Variants in MAML1 observed in about 807,000 individuals in gnomAD.
MAML1 encodes mastermind like transcriptional coactivator 1, also known as mastermind-like protein 1.
In MAML1, 14 loss-of-function variants were observed where a neutral mutation model predicts 77.1. The observed-to-expected ratio is 0.18, with a 90% confidence interval of 0.12 to 0.28. The LOEUF is 0.28. MAML1 is among the 10% of genes least tolerant of loss of function. The pLI, the probability that MAML1 is intolerant of heterozygous loss-of-function variation, is 1.00. For missense variants in MAML1, 1,217 were observed against 1,327.8 expected (o/e 0.92, Z 1.30); for synonymous variants, 516 against 551.9 (o/e 0.93, Z 0.91).
intron 1 of MAML1, among the ~76,000 whole-genome samples, chr5:179,740,907 A>C (rs901650985): frequency 5.9e-5 from 9 of 151,396 alleles, no homozygotes; most frequent in Admixed American, 2.0e-4. Flanking sequence ...GGCCATTTTC[A>C]CTCTTTTTTT....
chr5:179,774,085 G>A lies in MAML1; in HGVS notation c.2259G>A (p.Gln753=). The change falls in exon 5 of 5, where the codon CAG becomes CAA. Residue 753 remains glutamine (Q), a synonymous_variant. Transcript: ENST00000292599. ...TCCCTGGCTCCCAAAACATGCCTCA[G>A]AGCAGCCTCTATGGCATGGCTTCTG... ...AQFPGSQNMP[Q]SSLYGMASGI... The A allele has an allele frequency of 6.2e-7, 1 of 1,613,998 alleles. No individual in the cohort carries two copies. The highest frequency in any genetic ancestry group is 8.5e-7 in the Non-Finnish European group (1 of 1,180,042).
At position 179,766,486 on chromosome 5, in the gene MAML1, C is replaced by T; in HGVS notation, c.1476C>T (p.His492=). The T allele has an allele frequency of 6.2e-7, 1 of 1,608,124 alleles. No homozygotes were observed. The highest frequency in any genetic ancestry group is 8.5e-7 in the Non-Finnish European group (1 of 1,177,364). Residue 492 remains histidine (H), a synonymous_variant, in exon 2 of 5, where the codon CAC becomes CAT. Coordinates refer to ENST00000292599, the MANE Select transcript of MAML1 (RefSeq NM_014757.5). The surrounding 1 kb of genome is among the most constrained non-coding windows in gnomAD (Gnocchi z 4.0). ...LQPSHVNLLS[H]QPPSNLNQNS... is the part of the protein sequence containing the mutation. ...CCAGCCATGTGAACCTGCTGAGTCA[C>T]CAGCCACCGAGTAACTTGAATCAGA... is the stretch of plus-strand genomic sequence containing the variant.
chr5:179,773,693 C>G (rs1756056675), intron 4 of MAML1: 2 of 969,204 alleles, frequency 2.1e-6, no homozygotes, highest in African/African-American at 3.5e-5. Context: ...GGGCTTTGCC[C>G]TTCCTCTGTG....
rs1554150144 is a variant in MAML1 at position 179,752,350 on chromosome 5, A to AAAAATAT, written c.316-12975_316-12974insAAATATA. On this transcript the variant is annotated intron_variant, in intron 1 of 4. Transcript: ENST00000292599. ...CAAAAAAAAAAAAAAAAAAAAAAAA[A>AAAAATAT]ATATATATATATATATGGTTAAATA... Among the ~76,000 whole-genome samples the AAAAATAT allele has an allele frequency of 1.5e-4, 10 of 66,722 alleles. 1 individual carries two copies. The highest frequency in any genetic ancestry group is 3.4e-4 in the African/African-American group (5 of 14,794). The allele number at this position is 66,722 out of a possible 152,430, so 43.8% of individuals were successfully genotyped here.
At position 179,765,417 on chromosome 5, in the gene MAML1, G is replaced by A. The variant is rs146382198; in HGVS notation, c.407G>A (p.Gly136Glu). 2.0e-4 allele frequency: 320 copies of A among 1,614,178 alleles called. 5 individuals carry two copies. The Admixed American group carries it at 4.9e-3, about 25-fold the overall frequency. The change falls in exon 2 of 5, where the codon GGG becomes GAG. Residue 136 changes from glycine (G) to glutamate (E), a missense_variant. Around this residue, in one of 3 missense-constraint regions of MAML1, gnomAD observed 312 missense variants for 331.4 expected, o/e 0.94. Transcript: ENST00000292599. Reference protein sequence around the residue: ...QQNGYGDLFPGHKKTRREAPL... With the variant: ...QQNGYGDLFPEHKKTRREAPL... ...AATGGCTACGGGGACCTCTTTCCTG[G>A]GCATAAGAAGACTCGCCGGGAGGCC...
chr5:179,735,309 C>T (rs1779145338), intron 1 of MAML1, among the ~76,000 whole-genome samples: 3 of 152,212 alleles, frequency 2.0e-5, no homozygotes. Flanking sequence ...AAAGCTAGTT[C>T]CTGACCAGCC....
At position 179,755,908 on chromosome 5, in the gene MAML1, G is replaced by A. The variant is rs140540223; in HGVS notation, c.316-9418G>A. Among the ~76,000 whole-genome samples the A allele has an allele frequency of 9.8e-3, 1,488 of 151,734 alleles. 31 individuals are homozygous for A. Among genetic ancestry groups the A allele is most frequent in the African/African-American group, 0.034 (1,419 of 41,416 alleles). ...GCCTCCCGAGTAGCTGAGATTACAGGAGCCCACCACCACGCCCAGCTAATT... is the reference window on the plus strand; with the variant it reads ...GCCTCCCGAGTAGCTGAGATTACAGAAGCCCACCACCACGCCCAGCTAATT... On this transcript the variant is annotated intron_variant, in intron 1 of 4. Transcript: ENST00000292599.
Position 179,776,090 on chromosome 5 carries a change from AAT to A in MAML1, c.*1216_*1217del. On this transcript the variant is annotated 3_prime_UTR_variant, in exon 5 of 5. Coordinates refer to ENST00000292599, the MANE Select transcript of MAML1 (RefSeq NM_014757.5). ...ACTAAGCTGAGGGTCCACGAAATAG[AAT>A]ATGACATGTGAGCTGTTTTTGGAAA... 1 of 985,942 alleles carries A rather than the reference AAT, an allele frequency of 1.0e-6. No individual in the cohort carries two copies. The highest frequency in any genetic ancestry group is 1.2e-6 in the Non-Finnish European group (1 of 829,944). The allele number at this position is 985,942 out of a possible 1,614,324, so 61.1% of individuals were successfully genotyped here.
At position 179,769,074 on chromosome 5, in the gene MAML1, CCTT is replaced by C. The variant is rs1355265189; in HGVS notation, c.1959_1961del (p.Leu654del). ...AGCAGTTCCTTCAGAGGCAACAGCACCTTCTCGCGGAACAGGTAAAAAGAAAAG... is the reference window on the plus strand; with the variant it reads ...AGCAGTTCCTTCAGAGGCAACAGCACCTCGCGGAACAGGTAAAAAGAAAAG... On this transcript the variant is annotated inframe_deletion, in exon 3 of 5. Coordinates refer to ENST00000292599, the MANE Select transcript of MAML1 (RefSeq NM_014757.5). The surrounding 1 kb of genome is among the most constrained non-coding windows in gnomAD (Gnocchi z 4.2). 6.2e-7 allele frequency: 1 copy of C among 1,614,086 alleles called. No homozygotes were observed. The highest frequency in any genetic ancestry group is 8.5e-7 in the Non-Finnish European group (1 of 1,180,036).
At chr5:179,753,222 TGCGCGC>T (rs1171083663) in intron 1 of MAML1, among the ~76,000 whole-genome samples, 2 of 31,488 alleles carry the variant, frequency 6.4e-5, no homozygotes, top group South Asian at 1.9e-3. Context: ...TGTGTGTGTG[TGCGCGC>T]GCGCGCGCGC....
rs572296691 is a variant in MAML1 at position 179,736,130 on chromosome 5, T to C, written c.315+2703T>C. On this transcript the variant is annotated intron_variant, in intron 1 of 4. Coordinates refer to ENST00000292599, the MANE Select transcript of MAML1 (RefSeq NM_014757.5). ...TCTTAAGTGCCTGTTTGTTGAATTATTGATAGAAACTTGGTAGTGCTTTAC... is the reference window on the plus strand; with the variant it reads ...TCTTAAGTGCCTGTTTGTTGAATTACTGATAGAAACTTGGTAGTGCTTTAC... 7.9e-5 allele frequency among the ~76,000 whole-genome samples: 12 copies of C among 152,332 alleles called. 1 individual carries two copies. In the South Asian group the frequency reaches 2.5e-3, roughly 32 times the overall value.
rs368742273 is a variant in MAML1 at position 179,775,333 on chromosome 5, A to T, written c.*456A>T. ...AATTTGTAGCATAGAAAAGATTTTTAAATTTTTTTACAAAAGGTTTTTAAA... is the reference window on the plus strand; with the variant it reads ...AATTTGTAGCATAGAAAAGATTTTTTAATTTTTTTACAAAAGGTTTTTAAA... On this transcript the variant is annotated 3_prime_UTR_variant, in exon 5 of 5. Transcript: ENST00000292599. 1 of 971,624 alleles carries T rather than the reference A, an allele frequency of 1.0e-6. No individual in the cohort carries two copies. The highest frequency in any genetic ancestry group is 1.2e-6 in the Non-Finnish European group (1 of 817,936). The allele number at this position is 971,624 out of a possible 1,614,324, so 60.2% of individuals were successfully genotyped here.
chr5:179,768,974 C>T lies in MAML1; in HGVS notation c.1856C>T (p.Ala619Val), dbSNP rs755446770. Residue 619 changes from alanine to valine, a missense_variant, in exon 3 of 5, where the codon GCT becomes GTT. By Grantham distance (64) the Ala-to-Val change is moderately conservative. This residue lies in a region of MAML1 where 884 missense variants were observed against 949.3 expected (regional missense o/e 0.93). Transcript: ENST00000292599. ...TATCTCAGCAGCCAGCAACAGGCCGCTGTAATGAAGCAGCATCAGTTGCTT... is the reference window on the plus strand; with the variant it reads ...TATCTCAGCAGCCAGCAACAGGCCGTTGTAATGAAGCAGCATCAGTTGCTT... The part of the protein sequence containing the change: ...SPYLSSQQQA[A>V]VMKQHQLLLD... The T allele has an allele frequency of 8.7e-6, 14 of 1,614,246 alleles. No homozygotes were observed. The highest frequency in any genetic ancestry group is 1.7e-5 in the Admixed American group (1 of 60,022).
At chr5:179,749,887 A>G (rs1779453382) in intron 1 of MAML1, among the ~76,000 whole-genome samples, 1 of 152,082 alleles carries the variant, frequency 6.6e-6, no homozygotes, top group Admixed American at 6.6e-5. Context: ...CTGCAGGTCC[A>G]GCGCCTGGTC....
In MAML1 at chr5:179,776,583, T is replaced by C. The variant is rs1020792519; in HGVS notation, c.*1706T>C. The C allele has an allele frequency of 2.0e-6, 2 of 985,528 alleles. No homozygotes were observed. 61.0% of individuals were successfully genotyped at this position (985,528 alleles called of 1,614,324 possible). A position where few individuals can be genotyped will look rare whatever the true frequency, so the allele number is the denominator to read the frequency against. The stretch of plus-strand genomic sequence containing the variant: ...CATAAAGCCAGTGAAAATTTCACCC[T>C]CTGAGGGAGTTCCCCAATCTGAAGG... On this transcript the variant is annotated 3_prime_UTR_variant, in exon 5 of 5. Coordinates refer to ENST00000292599, the MANE Select transcript of MAML1 (RefSeq NM_014757.5).
chr5:179,740,125 TAGAG>T (rs1779252927), intron 1 of MAML1, among the ~76,000 whole-genome samples: 2 of 152,112 alleles, frequency 1.3e-5, no homozygotes, highest in Non-Finnish European at 2.9e-5. Flanking sequence ...ACATTCCAGT[TAGAG>T]AGAACCACCA....
At position 179,732,998 on chromosome 5, in the gene MAML1, C is replaced by G. The variant is rs1259897133; in HGVS notation, c.-115C>G. 1 of 595,816 alleles carries G rather than the reference C, an allele frequency of 1.7e-6. No homozygotes were observed. The highest frequency in any genetic ancestry group is 2.4e-6 in the Non-Finnish European group (1 of 424,736). 36.9% of individuals were successfully genotyped at this position (595,816 alleles called of 1,614,324 possible). ...GCGCGCGAGCCCGCTCCGCTGCCCTCGGGGGCATGGCGCGGCCGTGAGGCG... is the reference window on the plus strand; with the variant it reads ...GCGCGCGAGCCCGCTCCGCTGCCCTGGGGGGCATGGCGCGGCCGTGAGGCG... On this transcript the variant is annotated 5_prime_UTR_variant, in exon 1 of 5. Coordinates refer to ENST00000292599, the MANE Select transcript of MAML1 (RefSeq NM_014757.5).
intron 4 of MAML1, among the ~76,000 whole-genome samples, chr5:179,772,930 G>A (rs541629857): frequency 5.3e-5 from 8 of 152,228 alleles, no homozygotes; most frequent in Middle Eastern, 3.4e-3. Context: ...TTGCTCTTTC[G>A]CCTAGGCTGG....
At chr5:179,756,500 C>G (rs992865506) in intron 1 of MAML1, among the ~76,000 whole-genome samples, 1 of 150,442 alleles carries the variant, frequency 6.6e-6, no homozygotes, top group African/African-American at 2.4e-5. Flanking sequence ...GAAAGACATT[C>G]AGTTTAAGTT....
Sources: allele counts gnomAD v4.1 joint callset (sites outside exome capture counted in the v4.1 genomes callset), GRCh38; gene constraint gnomAD v4.1.1; regional missense constraint gnomAD v4.1.1; non-coding constraint Gnocchi (gnomAD v3.1); transcripts MANE v1.5; gene names NCBI Gene and HGNC (gene_info 2026-07-23, HGNC 2026-07-21).